The following FAM86B1 variants were observed in gnomAD, a reference collection of about 807,000 sequenced individuals.
The protein encoded by FAM86B1 is family with sequence similarity 86 member B1 (gene/pseudogene), also known as putative protein N-methyltransferase FAM86B1.
For synonymous variants in FAM86B1, 4 were observed against 137.6 expected, an observed-to-expected ratio of 0.03 and a Z score of 6.79; for missense variants, 13 against 328.1, an observed-to-expected ratio of 0.04 and a Z score of 7.42.
chr8:12,188,895 C>T (rs1372596171), intron 3 of FAM86B1, among the ~76,000 whole-genome samples: 4 of 97,822 alleles, frequency 4.1e-5, no homozygotes, highest in Non-Finnish European at 7.6e-5. Context: ...CTACTGCCTA[C>T]TAAGGAATGG....
At chr8:12,184,029 A>G (rs1321526276) in intron 6 of FAM86B1, among the ~76,000 whole-genome samples, 2 of 58,388 alleles carry the variant, frequency 3.4e-5, no homozygotes, top group East Asian at 7.8e-4. Flanking sequence ...CTCACTCTTC[A>G]CAAAGCTTAG....
chr8:12,182,549 C>G lies in FAM86B1; in HGVS notation c.*1057G>C. ...GTGGTGACCTGGGATGGGGTGGGGA[C>G]AGGCAATGAGTTAAGCTCTGCTCTT... On this transcript the variant is annotated 3_prime_UTR_variant, in exon 7 of 7. Coordinates refer to ENST00000448228, the MANE Select transcript of FAM86B1 (RefSeq NM_001083537.4). 3 of 1,505,310 alleles carry G rather than the reference C, an allele frequency of 2.0e-6. No individual in the cohort carries two copies. The South Asian group carries it at 3.4e-5, about 17-fold the overall frequency. The allele number at this position is 1,505,310 out of a possible 1,614,324, so 93.2% of individuals were successfully genotyped here.
At chr8:12,184,135 T>G (rs1457224865) in intron 6 of FAM86B1, among the ~76,000 whole-genome samples, 1 of 55,364 alleles carries the variant, frequency 1.8e-5, no homozygotes, top group Non-Finnish European at 3.1e-5. Context: ...TTTTTTTCAC[T>G]TAAAAGATAT....
chr8:12,190,784 G>T (rs1806713386), intron 2 of FAM86B1, among the ~76,000 whole-genome samples: 1 of 109,584 alleles, frequency 9.1e-6, no homozygotes, highest in African/African-American at 4.1e-5. Flanking sequence ...ATGGGTTTTT[G>T]CCATGTTGGC....
intron 2 of FAM86B1, among the ~76,000 whole-genome samples, chr8:12,190,387 C>A (rs1806622087): frequency 6.8e-6 from 1 of 147,560 alleles, no homozygotes; most frequent in Non-Finnish European, 1.5e-5. Context: ...CCTGTGCAAG[C>A]TCTGAGGTGG....
chr8:12,182,551 G>A lies in FAM86B1; in HGVS notation c.*1055C>T. Reference sequence around the variant, plus strand: ...GGTGACCTGGGATGGGGTGGGGACAGGCAATGAGTTAAGCTCTGCTCTTTA... The same window carrying A: ...GGTGACCTGGGATGGGGTGGGGACAAGCAATGAGTTAAGCTCTGCTCTTTA... On this transcript the variant is annotated 3_prime_UTR_variant, in exon 7 of 7. Transcript: ENST00000448228. The A allele has an allele frequency of 2.0e-6, 3 of 1,506,714 alleles. No homozygotes were observed. Among genetic ancestry groups the A allele is most frequent in the South Asian group, 2.3e-5 (2 of 87,824 alleles). 93.3% of individuals were successfully genotyped at this position (1,506,714 alleles called of 1,614,324 possible).
intron 2 of FAM86B1, among the ~76,000 whole-genome samples, chr8:12,191,099 C>A (rs1163937363): frequency 7.5e-6 from 1 of 133,334 alleles, no homozygotes; most frequent in African/African-American, 3.0e-5. Context: ...CACAGGAATT[C>A]TTCACCGGGG....
At chr8:12,187,542 T>G in intron 3 of FAM86B1, among the ~76,000 whole-genome samples, 1 of 912 alleles carries the variant, frequency 1.1e-3, no homozygotes, top group African/African-American at 1.5e-3. Context: ...GTATTTTTAG[T>G]AAAGATGGAT....
Position 12,182,400 on chromosome 8 carries a change from C to T in FAM86B1, c.*1206G>A, listed in dbSNP as rs1342060650. 7.4e-5 allele frequency: 49 copies of T among 658,104 alleles called. 1 individual carries two copies. Among genetic ancestry groups the T allele is most frequent in the Middle Eastern group, 4.4e-4 (1 of 2,276 alleles). The allele number at this position is 658,104 out of a possible 1,614,324, so 40.8% of individuals were successfully genotyped here. A position where few individuals can be genotyped will look rare whatever the true frequency, so the allele number is the denominator to read the frequency against. On this transcript the variant is annotated 3_prime_UTR_variant, in exon 7 of 7. Coordinates refer to ENST00000448228, the MANE Select transcript of FAM86B1 (RefSeq NM_001083537.4). ...GCATGATGTCAAGTTGGAAGTGGAG[C>T]GCTGCTGGGTTGTGAAGGGTCTCAA...
rs1453182517 is a variant in FAM86B1 at position 12,187,258 on chromosome 8, T to A, written c.241-425A>T. Among the ~76,000 whole-genome samples the A allele has an allele frequency of 5.3e-3, 156 of 29,636 alleles. 12 individuals are homozygous for A. The highest frequency in any genetic ancestry group is 0.011 in the African/African-American group (146 of 13,688). 19.4% of individuals were successfully genotyped at this position (29,636 alleles called of 152,430 possible). A position where few individuals can be genotyped will look rare whatever the true frequency, so the allele number is the denominator to read the frequency against. ...ACCCAGGCTGGAGTCAGTGGCACGA[T>A]CTTGGCTTACTGCAACATCTGCCTC... On this transcript the variant is annotated intron_variant, in intron 3 of 6. Transcript: ENST00000448228.
At chr8:12,190,995 C>G (rs1395215819) in intron 2 of FAM86B1, among the ~76,000 whole-genome samples, 2 of 148,128 alleles carry the variant, frequency 1.4e-5, no homozygotes, top group African/African-American at 5.1e-5. Context: ...TCAGGTATCT[C>G]CATGCTCGAA....
intron 1 of FAM86B1, among the ~76,000 whole-genome samples, chr8:12,193,329 G>T (rs1410973680): frequency 6.9e-6 from 1 of 144,636 alleles, no homozygotes; most frequent in African/African-American, 2.9e-5. Context: ...TATCCCAACT[G>T]ACTCATCCAG....
chr8:12,193,335 T>TC lies in FAM86B1; in HGVS notation c.96+639dup, dbSNP rs1212411523. Reference sequence around the variant, plus strand: ...AGGAATATATATCCCAACTGACTCATCCAGTGAGCTCAATGCACATGAATT... The same window carrying TC: ...AGGAATATATATCCCAACTGACTCATCCCAGTGAGCTCAATGCACATGAATT... On this transcript the variant is annotated intron_variant, in intron 1 of 6. Coordinates refer to ENST00000448228, the MANE Select transcript of FAM86B1 (RefSeq NM_001083537.4). 1.4e-5 allele frequency among the ~76,000 whole-genome samples: 2 copies of TC among 144,394 alleles called. 1 individual carries two copies. The highest frequency in any genetic ancestry group is 5.7e-5 in the African/African-American group (2 of 34,790). 94.7% of individuals were successfully genotyped at this position (144,394 alleles called of 152,430 possible).
chr8:12,188,662 T>TGGCTGTCAGCAGGCTGC (rs1806249214), intron 3 of FAM86B1, among the ~76,000 whole-genome samples: 1 of 118,530 alleles, frequency 8.4e-6, no homozygotes, highest in Admixed American at 8.0e-5. Flanking sequence ...CTGCAGGCTG[T>TGGCTGTCAGCAGGCTGC]GGCTGTCAGC....
rs1250650466 is a variant in FAM86B1, at chr8:12,186,691, CA to C, written c.374+8del. 2 of 1,504,726 alleles carry C rather than the reference CA, an allele frequency of 1.3e-6. No individual in the cohort carries two copies. The highest frequency in any genetic ancestry group is 1.8e-6 in the Non-Finnish European group (2 of 1,116,108). The allele number at this position is 1,504,726 out of a possible 1,614,324, so 93.2% of individuals were successfully genotyped here. On this transcript the variant is annotated splice_region_variant and intron_variant, in intron 4 of 6. Coordinates refer to ENST00000448228, the MANE Select transcript of FAM86B1 (RefSeq NM_001083537.4). ...TGCCTCGGTGCCCTGCCCTGTGCCC[CA>C]AGGTCACCTGTTAATGAAGGCTGCC... is the stretch of plus-strand genomic sequence containing the variant.
At chr8:12,192,592 G>T (rs1416557797) in intron 1 of FAM86B1, among the ~76,000 whole-genome samples, 2 of 99,150 alleles carry the variant, frequency 2.0e-5, no homozygotes, top group Non-Finnish European at 4.0e-5. Context: ...CCTGACTTTG[G>T]TGACAGTTCT....
chr8:12,182,458 G>A lies in FAM86B1; in HGVS notation c.*1148C>T. The stretch of plus-strand genomic sequence containing the variant: ...TGAGGGGGGTTGTGAAGGGTCTCAA[G>A]TCCAAGTGAGGGAGTTAGGGACTTG... On this transcript the variant is annotated 3_prime_UTR_variant, in exon 7 of 7. Coordinates refer to ENST00000448228, the MANE Select transcript of FAM86B1 (RefSeq NM_001083537.4). The A allele has an allele frequency of 3.2e-6, 4 of 1,244,486 alleles. No individual in the cohort carries two copies. Among genetic ancestry groups the A allele is most frequent in the Non-Finnish European group, 4.4e-6 (4 of 900,170 alleles). 77.1% of individuals were successfully genotyped at this position (1,244,486 alleles called of 1,614,324 possible).
At chr8:12,187,094 A>G (rs1279871208) in intron 3 of FAM86B1, among the ~76,000 whole-genome samples, 5 of 7,434 alleles carry the variant, frequency 6.7e-4, no homozygotes, top group African/African-American at 1.3e-3. Flanking sequence ...GCGATGGAGC[A>G]CAGGTCAGTG....
intron 3 of FAM86B1, among the ~76,000 whole-genome samples, chr8:12,187,293 A>C (rs1806051159): frequency 5.2e-5 from 1 of 19,290 alleles, no homozygotes; most frequent in African/African-American, 1.0e-4. Context: ...CCTGGGTTCA[A>C]GCAATTCTCC....
Sources: gnomAD v4.1 joint callset for allele counts (sites outside exome capture counted in the v4.1 genomes callset) on GRCh38, gnomAD v4.1.1 for gene constraint, MANE v1.5 for transcripts, NCBI Gene and HGNC (gene_info 2026-07-23, HGNC 2026-07-21) for gene names.